Variants in KIZ observed in about 807,000 individuals in gnomAD.
KIZ encodes the protein kizuna centrosomal protein, also known as centrosomal protein kizuna.
Under a neutral mutation model 79.6 loss-of-function variants are expected in KIZ, and 68 were observed. The ratio of observed to expected loss-of-function variants is 0.85; its 90% CI spans 0.70 to 1.05. The LOEUF (loss-of-function observed/expected upper bound fraction) is 1.05, where lower values mean the gene tolerates loss of function less well. Ranked by LOEUF, KIZ falls within the 50% of genes least tolerant of loss-of-function variation. KIZ has a pLI of 0.00. For missense variants in KIZ, 797 were observed against 800.4 expected, an observed-to-expected ratio of 1.00 and a Z score of 0.05; for synonymous variants, 280 against 281.8, an observed-to-expected ratio of 0.99 and a Z score of 0.06.
intron 11 of KIZ, among the ~76,000 whole-genome samples, chr20:21,242,051 ACATACT>A (rs777671499): frequency 3.9e-5 from 6 of 152,182 alleles, no homozygotes; most frequent in Non-Finnish European, 7.3e-5. Context: ...TTCCAAGTGA[ACATACT>A]CATTAAGCAC....
intron 6 of KIZ, among the ~76,000 whole-genome samples, chr20:21,164,067 GA>G (rs1212526624): frequency 6.6e-6 from 1 of 152,198 alleles, no homozygotes; most frequent in African/African-American, 2.4e-5. Flanking sequence ...CTGTCTGCCT[GA>G]ATGTCACACC....
intron 11 of KIZ, among the ~76,000 whole-genome samples, chr20:21,243,484 C>T (rs1228428361): frequency 6.6e-6 from 1 of 152,148 alleles, no homozygotes; most frequent in Admixed American, 6.5e-5. Context: ...TCGAGCCATG[C>T]ACCAAGAATG....
chr20:21,136,069 A>G (rs2032168296), intron 2 of KIZ, among the ~76,000 whole-genome samples: 1 of 152,226 alleles, frequency 6.6e-6, no homozygotes, highest in African/African-American at 2.4e-5. Context: ...ACATGTCCAC[A>G]TAGACACTAC....
chr20:21,233,750 A>C (rs1040260128), intron 11 of KIZ, among the ~76,000 whole-genome samples: 10 of 152,306 alleles, frequency 6.6e-5, no homozygotes, highest in African/African-American at 2.4e-4. Flanking sequence ...TCCTATTTTT[A>C]TTCATATTTT....
intron 9 of KIZ, among the ~76,000 whole-genome samples, chr20:21,222,223 G>A (rs1344826567): frequency 6.6e-6 from 1 of 152,348 alleles, no homozygotes; most frequent in Non-Finnish European, 1.5e-5. Flanking sequence ...TGGACTGGAT[G>A]CTTCTATATT....
intron 4 of KIZ, among the ~76,000 whole-genome samples, chr20:21,160,683 G>T (rs1261680451): frequency 1.3e-5 from 2 of 152,046 alleles, no homozygotes; most frequent in Admixed American, 1.3e-4. Flanking sequence ...GAATATTTGT[G>T]TCCCCCCCAA....
intron 6 of KIZ, among the ~76,000 whole-genome samples, chr20:21,182,565 G>C (rs1406348111): frequency 1.3e-5 from 2 of 152,162 alleles, no homozygotes; most frequent in Non-Finnish European, 2.9e-5. Context: ...GGAAGCCAAG[G>C]TGGGCGGATT....
chr20:21,215,272 T>C (rs146611296), intron 8 of KIZ, among the ~76,000 whole-genome samples: 4 of 152,362 alleles, frequency 2.6e-5, no homozygotes, highest in Non-Finnish European at 5.9e-5. Flanking sequence ...CAGGAATTGC[T>C]CGAGTTGATG....
At position 21,169,369 on chromosome 20, in the gene KIZ, C is replaced by T. The variant is rs868454939; in HGVS notation, c.1352+6210C>T. 4.5e-4 allele frequency among the ~76,000 whole-genome samples: 69 copies of T among 152,052 alleles called. 1 individual carries two copies. The highest frequency in any genetic ancestry group is 6.8e-3 in the Middle Eastern group (2 of 294). Reference sequence around the variant, plus strand: ...GCCATCAGAGAAATGCAAATCAAAACCACAATGAGATACCATCTCACACCA... The same window carrying T: ...GCCATCAGAGAAATGCAAATCAAAATCACAATGAGATACCATCTCACACCA... On this transcript the variant is annotated intron_variant, in intron 6 of 12. Transcript: ENST00000619189.
chr20:21,137,642 T>C (rs2032273089), intron 3 of KIZ, among the ~76,000 whole-genome samples: 1 of 152,172 alleles, frequency 6.6e-6, no homozygotes, highest in Non-Finnish European at 1.5e-5. Context: ...ATTTTTTTTT[T>C]TCTCTGAGCC....
At chr20:21,173,569 T>G in intron 6 of KIZ, among the ~76,000 whole-genome samples, 1 of 110,226 alleles carries the variant, frequency 9.1e-6, no homozygotes. Context: ...CAGAGGGAGA[T>G]GCCGTCTCAA....
intron 12 of KIZ, chr20:21,245,398 C>G (rs1038875500): frequency 3.9e-5 from 6 of 152,232 alleles, no homozygotes; most frequent in Admixed American, 6.5e-5. Flanking sequence ...CTTGGCCACT[C>G]ACTGGCATTG....
At chr20:21,246,336 TG>T in intron 12 of KIZ, 142 bp from the exon 13 acceptor site, 1 of 647,710 alleles carries the variant, frequency 1.5e-6, no homozygotes, top group Non-Finnish European at 2.8e-6. Flanking sequence ...TGGGTGTGTC[TG>T]GTCAGGTACA....
rs542126561 is a variant in KIZ at position 21,223,509 on chromosome 20, T to C, written c.1679-5502T>C. 1.7e-3 allele frequency among the ~76,000 whole-genome samples: 263 copies of C among 152,262 alleles called. 1 individual carries two copies. The highest frequency in any genetic ancestry group is 6.0e-3 in the African/African-American group (250 of 41,546). On this transcript the variant is annotated intron_variant, in intron 9 of 12. Coordinates refer to ENST00000619189, the MANE Select transcript of KIZ (RefSeq NM_018474.6). Reference sequence around the variant, plus strand: ...CCAGGTCTACAGGTGGAGTGGAGTTTATTGCAGAAAGTCTGGATGTGAAAA... The same window carrying C: ...CCAGGTCTACAGGTGGAGTGGAGTTCATTGCAGAAAGTCTGGATGTGAAAA...
At chr20:21,185,419 T>C (rs567155339) in intron 6 of KIZ, among the ~76,000 whole-genome samples, 1 of 148,926 alleles carries the variant, frequency 6.7e-6, no homozygotes, top group East Asian at 1.9e-4. Context: ...TTTTTTTTTT[T>C]TTTTTTTTGA....
At chr20:21,215,747 A>G in intron 9 of KIZ, 99 bp downstream of exon 9, 2 of 670,408 alleles carry the variant, frequency 3.0e-6, no homozygotes, top group Non-Finnish European at 5.3e-6. Context: ...CACTAAGAGC[A>G]CATGTATTCA....
chr20:21,202,275 C>T (rs1861797081), intron 6 of KIZ: 1 of 152,156 alleles, frequency 6.6e-6, no homozygotes, highest in African/African-American at 2.4e-5. Flanking sequence ...TGCTTTCAAG[C>T]CAAAAGCATA....
At chr20:21,139,510 A>G (rs777700249) in intron 3 of KIZ, among the ~76,000 whole-genome samples, 3 of 152,198 alleles carry the variant, frequency 2.0e-5, no homozygotes, top group Non-Finnish European at 2.9e-5. Flanking sequence ...CAAAGATTTC[A>G]TGGAGAAAAT....
intron 11 of KIZ, among the ~76,000 whole-genome samples, chr20:21,241,228 C>T (rs1176614653): frequency 2.6e-5 from 4 of 152,154 alleles, no homozygotes; most frequent in Non-Finnish European, 4.4e-5. Context: ...CTTAGCTTTA[C>T]ATATTAGGTA....
Sources: allele counts gnomAD v4.1 joint callset (sites outside exome capture counted in the v4.1 genomes callset), GRCh38; gene constraint gnomAD v4.1.1; transcripts MANE v1.5; gene names NCBI Gene and HGNC (gene_info 2026-07-23, HGNC 2026-07-21).